SLC7A14: variants seen among roughly 807,000 people sequenced by gnomAD.
SLC7A14 encodes solute carrier family 7 member 14.
SLC7A14 carries 37 observed loss-of-function variants against 60.2 expected under a neutral mutation model. That is an observed-to-expected ratio of 0.61 (90% confidence interval 0.47 to 0.81). The LOEUF (loss-of-function observed/expected upper bound fraction) is 0.81. SLC7A14 is among the 30% of genes least tolerant of loss of function. The probability of loss-of-function intolerance (pLI) is 0.00; values close to 1 mark genes in which losing one functional copy is unlikely to be tolerated. For synonymous variants in SLC7A14, 399 were observed against 395.8 expected (o/e 1.01, Z -0.10); for missense variants, 886 against 982.7 (o/e 0.90, Z 1.32).
In SLC7A14 at chr3:170,535,885, T is replaced by A. The variant is rs752801949; in HGVS notation, c.-152-8797A>T. Among the ~76,000 whole-genome samples, 1 of 152,202 alleles carries A rather than the reference T, an allele frequency of 6.6e-6. No individual in the cohort carries two copies. The highest frequency in any genetic ancestry group is 1.5e-5 in the Non-Finnish European group (1 of 68,040). On this transcript the variant is annotated intron_variant, in intron 1 of 7. Transcript: ENST00000231706. This position sits in a 1 kb window ranked among gnomAD's most constrained non-coding sequence, Gnocchi z 4.3. ...CCCACTGCCCTCATCTTTATATATA[T>A]TAACAGTTCTTTTCACTAACTTTCC...
At chr3:170,476,835 A>G (rs759712) in intron 7 of SLC7A14, 124,371 of 152,212 alleles carry the variant, frequency 0.82, 50,969 homozygotes, top group Middle Eastern at 0.89. Context: ...AAGGAGGGGC[A>G]GAGCTGTGAT....
chr3:170,565,221 C>G (rs955803078), intron 1 of SLC7A14, among the ~76,000 whole-genome samples: 1 of 152,062 alleles, frequency 6.6e-6, no homozygotes, highest in African/African-American at 2.4e-5. Context: ...GTAGAGGAGA[C>G]CCTGCCTGGG....
At chr3:170,556,329 G>A (rs1273489671) in intron 1 of SLC7A14, among the ~76,000 whole-genome samples, 2 of 152,146 alleles carry the variant, frequency 1.3e-5, no homozygotes, top group Non-Finnish European at 2.9e-5. Context: ...CTGGGGTCTC[G>A]CTGTCCAGAG....
At chr3:170,524,638 A>G (rs183857908) in intron 2 of SLC7A14, among the ~76,000 whole-genome samples, 216 of 152,350 alleles carry the variant, frequency 1.4e-3, no homozygotes, top group African/African-American at 4.7e-3. Context: ...GTTCCACATG[A>G]TAACATGTTT....
intron 2 of SLC7A14, among the ~76,000 whole-genome samples, 153 bp downstream of exon 2, chr3:170,526,480 C>A (rs900492377): frequency 2.6e-5 from 4 of 151,266 alleles, no homozygotes; most frequent in African/African-American, 7.3e-5. Flanking sequence ...CTGGCCCTAA[C>A]CTCCCTGGCA....
intron 2 of SLC7A14, among the ~76,000 whole-genome samples, chr3:170,508,048 G>A (rs1350947014): frequency 6.6e-6 from 1 of 152,146 alleles, no homozygotes; most frequent in Non-Finnish European, 1.5e-5. Flanking sequence ...CTAGACCTGA[G>A]GTCTCCTGAT....
Position 170,501,125 on chromosome 3 carries a change from T to A in SLC7A14, c.525A>T (p.Gly175=). Residue 175 remains glycine (G), a synonymous_variant, in exon 3 of 8, where the codon GGA becomes GGT. Coordinates refer to ENST00000231706, the MANE Select transcript of SLC7A14 (RefSeq NM_020949.3). ...TISRWMADSV[G]TLNGLGKGEE... ...CAGTCTCACCCAGGCCATTGAGGGTTCCCACGCTGTCCGCCATCCAGCGGC... is the reference window on the plus strand; with the variant it reads ...CAGTCTCACCCAGGCCATTGAGGGTACCCACGCTGTCCGCCATCCAGCGGC... 1 of 1,614,218 alleles carries A rather than the reference T, an allele frequency of 6.2e-7. No individual in the cohort carries two copies. The highest frequency in any genetic ancestry group is 8.5e-7 in the Non-Finnish European group (1 of 1,180,036).
In SLC7A14 at chr3:170,480,455, G is replaced by T. The variant is rs2108268512; in HGVS notation, c.1827C>A (p.Ser609Arg). 1.2e-6 allele frequency: 2 copies of T among 1,614,022 alleles called. No homozygotes were observed. The highest frequency in any genetic ancestry group is 2.2e-5 in the East Asian group (1 of 44,876). The change falls in exon 7 of 8, where the codon AGC (serine) becomes AGA (arginine). Residue 609 changes from serine (S) to arginine (R), a missense_variant. Coordinates refer to ENST00000231706, the MANE Select transcript of SLC7A14 (RefSeq NM_020949.3). Reference sequence around the variant, plus strand: ...GCTGCAGGATCACAAACACCAGGGTGCTGATCAGCAGCACCATCAGAACAA... The same window carrying T: ...GCTGCAGGATCACAAACACCAGGGTTCTGATCAGCAGCACCATCAGAACAA... ...LLVVLMVLLI[S>R]TLVFVILQQP... is the part of the protein sequence containing the mutation.
chr3:170,480,262 CTT>C, intron 7 of SLC7A14, 25 bp downstream of exon 7: 1 of 1,516,038 alleles, frequency 6.6e-7, no homozygotes, highest in Non-Finnish European at 8.8e-7. Flanking sequence ...AAAGGGAACT[CTT>C]AAGGCTCCAA....
At chr3:170,506,376 A>C (rs1712780812) in intron 2 of SLC7A14, among the ~76,000 whole-genome samples, 1 of 152,196 alleles carries the variant, frequency 6.6e-6, no homozygotes, top group Admixed American at 6.5e-5. Flanking sequence ...TTTGTGGTTA[A>C]ATTGATAATT....
In SLC7A14 at chr3:170,519,851, C is replaced by G. The variant is rs376569806; in HGVS notation, c.304+6782G>C. Among the ~76,000 whole-genome samples, 19 of 152,300 alleles carry G rather than the reference C, an allele frequency of 1.2e-4. No individual in the cohort carries two copies. The South Asian group carries it at 2.9e-3, about 23-fold the overall frequency. Reference sequence around the variant, plus strand: ...CTGCCCCAACTTTCCATTTTTCTTTCTGCCTTCTGGAACTCAGACATACTG... The same window carrying G: ...CTGCCCCAACTTTCCATTTTTCTTTGTGCCTTCTGGAACTCAGACATACTG... On this transcript the variant is annotated intron_variant, in intron 2 of 7. Coordinates refer to ENST00000231706, the MANE Select transcript of SLC7A14 (RefSeq NM_020949.3).
chr3:170,531,240 TC>T lies in SLC7A14; in HGVS notation c.-152-4153del, dbSNP rs370565850. Among the ~76,000 whole-genome samples, 22 of 152,186 alleles carry T rather than the reference TC, an allele frequency of 1.4e-4. No individual in the cohort carries two copies. In the East Asian group the frequency reaches 3.9e-3, roughly 27 times the overall value. On this transcript the variant is annotated intron_variant, in intron 1 of 7. Coordinates refer to ENST00000231706, the MANE Select transcript of SLC7A14 (RefSeq NM_020949.3). ...GGAGGCCACTACTCTGACAGGTACT[TC>T]CGGTTTCCTTCCCTGGGCAGGTCAT...
At chr3:170,514,027 T>C (rs554668384) in intron 2 of SLC7A14, among the ~76,000 whole-genome samples, 54 of 152,388 alleles carry the variant, frequency 3.5e-4, no homozygotes, top group South Asian at 6.2e-4. Flanking sequence ...TGTGTAGTCA[T>C]TTAACAAAGT....
intron 5 of SLC7A14, among the ~76,000 whole-genome samples, chr3:170,485,762 T>C (rs566001904): frequency 1.3e-5 from 2 of 152,272 alleles, no homozygotes; most frequent in South Asian, 2.1e-4. Flanking sequence ...GAAGAGAGTT[T>C]GTAGAGGACA....
Position 170,480,977 on chromosome 3 carries a change from ACT to A in SLC7A14, c.1303_1304del (p.Ser435Ter). 6.2e-7 allele frequency: 1 copy of A among 1,613,542 alleles called. No homozygotes were observed. Among genetic ancestry groups the A allele is most frequent in the Non-Finnish European group, 8.5e-7 (1 of 1,179,894 alleles). ...AGAACTTGACAAAACCATCAATGTC[ACT>A]CTCAGGTTGGTATCGAAGGAGCAAG... The part of the protein sequence containing the change: ...CVLLLRYQPE[S>X]DIDGFVKFLS... On this transcript the variant is annotated frameshift_variant, in exon 7 of 8. Coordinates refer to ENST00000231706, the MANE Select transcript of SLC7A14 (RefSeq NM_020949.3). LOFTEE classifies it high-confidence loss of function.
chr3:170,547,755 T>C lies in SLC7A14; in HGVS notation c.-152-20667A>G, dbSNP rs940520637. On this transcript the variant is annotated intron_variant, in intron 1 of 7. Coordinates refer to ENST00000231706, the MANE Select transcript of SLC7A14 (RefSeq NM_020949.3). ...ATTTTATGACCTTTTTAAAACCTAA[T>C]GTATCAGCGATATCACATATCCAAG... Among the ~76,000 whole-genome samples the C allele has an allele frequency of 9.2e-5, 14 of 152,314 alleles. No individual in the cohort carries two copies. The South Asian group carries it at 1.0e-3, about 11-fold the overall frequency.
rs532894983 is a variant in SLC7A14, at chr3:170,486,570, G to A, written c.760-202C>T. 2.6e-5 allele frequency among the ~76,000 whole-genome samples: 4 copies of A among 152,278 alleles called. No homozygotes were observed. In the East Asian group the frequency reaches 7.7e-4, roughly 29 times the overall value. On this transcript the variant is annotated intron_variant, in intron 4 of 7. Transcript: ENST00000231706. ...GCTGTGGGCAACTCTCTTATGATGT[G>A]TAAATAGAGATAAGAAGAATTGGCC...
intron 1 of SLC7A14, among the ~76,000 whole-genome samples, chr3:170,549,214 C>CTT (rs113114531): frequency 0.076 from 9,816 of 129,404 alleles, 1,256 homozygotes; most frequent in African/African-American, 0.26. Flanking sequence ...CGGCCTTCTT[C>CTT]TTTTTTTTTT....
chr3:170,491,949 T>C (rs752187744), intron 4 of SLC7A14, among the ~76,000 whole-genome samples: 2 of 152,152 alleles, frequency 1.3e-5, no homozygotes, highest in African/African-American at 2.4e-5. Flanking sequence ...AAACAGATTA[T>C]TAAAGAGAAG....
Sources: gnomAD v4.1 joint callset for allele counts (sites outside exome capture counted in the v4.1 genomes callset) on GRCh38, gnomAD v4.1.1 for gene constraint, Gnocchi (gnomAD v3.1) non-coding constraint, MANE v1.5 for transcripts, NCBI Gene and HGNC (gene_info 2026-07-23, HGNC 2026-07-21) for gene names.